Variants in KCNIP1 observed in about 807,000 individuals in gnomAD.
KCNIP1 encodes the protein potassium voltage-gated channel interacting protein 1.
Under a neutral mutation model 33.0 loss-of-function variants are expected in KCNIP1, and 18 were observed. The ratio of observed to expected loss-of-function variants is 0.55; its 90% CI spans 0.38 to 0.81. KCNIP1 has a LOEUF of 0.81. KCNIP1 is among the 30% of genes least tolerant of loss of function. The pLI is 0.00. For missense variants in KCNIP1, 238 were observed against 271.6 expected (o/e 0.88, Z 0.87); for synonymous variants, 93 against 98.3 (o/e 0.95, Z 0.32).
At chr5:170,558,121 TTC>T (rs1756903619) in intron 1 of KCNIP1, among the ~76,000 whole-genome samples, 1 of 152,098 alleles carries the variant, frequency 6.6e-6, no homozygotes, top group South Asian at 2.1e-4. Flanking sequence ...TTCCCTGAGT[TTC>T]TATAAAATGG....
chr5:170,546,850 G>C (rs1348673455), intron 1 of KCNIP1, among the ~76,000 whole-genome samples: 1 of 152,040 alleles, frequency 6.6e-6, no homozygotes, highest in Non-Finnish European at 1.5e-5. Context: ...TATTAATTTA[G>C]AGTTAATCAC....
chr5:170,574,663 A>G (rs1195564269), intron 1 of KCNIP1, among the ~76,000 whole-genome samples: 2 of 152,152 alleles, frequency 1.3e-5, no homozygotes, highest in African/African-American at 4.8e-5. Context: ...TTTCCAATCC[A>G]CTTATTCCAG....
chr5:170,684,082 A>G (rs1201305297), intron 1 of KCNIP1, among the ~76,000 whole-genome samples: 1 of 152,308 alleles, frequency 6.6e-6, no homozygotes, highest in Middle Eastern at 3.4e-3. Flanking sequence ...ATTTTAGAAC[A>G]GTATACAGAT....
At chr5:170,626,605 T>A (rs901086605) in intron 1 of KCNIP1, among the ~76,000 whole-genome samples, 1 of 152,082 alleles carries the variant, frequency 6.6e-6, no homozygotes, top group South Asian at 2.1e-4. Context: ...ACTCCAAGGG[T>A]GACCAGGTGT....
At chr5:170,705,873 A>G (rs575364353) in intron 1 of KCNIP1, among the ~76,000 whole-genome samples, 207 of 152,344 alleles carry the variant, frequency 1.4e-3, no homozygotes, top group Non-Finnish European at 2.5e-3. Flanking sequence ...ATCACAGTCA[A>G]AATATACGAC....
chr5:170,698,834 C>T lies in KCNIP1; in HGVS notation c.62-19924C>T, dbSNP rs1277797916. ...TTATCTCATTTAAATCTGACAAGAG[C>T]CTTGTAAAGTAGGGATTATTCCCAC... is the stretch of plus-strand genomic sequence containing the variant. On this transcript the variant is annotated intron_variant, in intron 1 of 7. Transcript: ENST00000328939. Among the ~76,000 whole-genome samples, 6 of 152,256 alleles carry T rather than the reference C, an allele frequency of 3.9e-5. No individual in the cohort carries two copies. The South Asian group carries it at 1.2e-3, about 32-fold the overall frequency.
chr5:170,657,628 C>T lies in KCNIP1; in HGVS notation c.62-61130C>T, dbSNP rs143807448. Among the ~76,000 whole-genome samples the T allele has an allele frequency of 1.5e-3, 232 of 152,298 alleles. 1 individual carries two copies. The highest frequency in any genetic ancestry group is 5.3e-3 in the African/African-American group (219 of 41,556). ...ACTTCCCCAGCTCCTACGGAAATAACCTATCCCATCCCCTAAGATCTGCAA... is the reference window on the plus strand; with the variant it reads ...ACTTCCCCAGCTCCTACGGAAATAATCTATCCCATCCCCTAAGATCTGCAA... On this transcript the variant is annotated intron_variant, in intron 1 of 7. Transcript: ENST00000328939.
chr5:170,492,348 T>C (rs1256403694), intron 1 of KCNIP1, among the ~76,000 whole-genome samples: 2 of 152,166 alleles, frequency 1.3e-5, no homozygotes, highest in East Asian at 1.9e-4. Context: ...AGGCAAGATA[T>C]GGGGTTGGGG....
chr5:170,643,525 AC>A (rs1468817598), intron 1 of KCNIP1, among the ~76,000 whole-genome samples: 7 of 151,734 alleles, frequency 4.6e-5, no homozygotes, highest in Non-Finnish European at 7.4e-5. Context: ...TTACCCACTC[AC>A]CCCCCAAGCT....
At chr5:170,661,909 A>C (rs1761509736) in intron 1 of KCNIP1, among the ~76,000 whole-genome samples, 1 of 152,068 alleles carries the variant, frequency 6.6e-6, no homozygotes, top group Non-Finnish European at 1.5e-5. Context: ...TCCCCTCTCA[A>C]TGTGTACAAC....
At position 170,489,166 on chromosome 5, in the gene KCNIP1, G is replaced by A. The variant is rs541770007; in HGVS notation, c.88+135202G>A. Among the ~76,000 whole-genome samples the A allele has an allele frequency of 1.3e-5, 2 of 152,336 alleles. No individual in the cohort carries two copies. The highest frequency in any genetic ancestry group is 3.9e-4 in the East Asian group (2 of 5,186). ...CCCCGGAATGGTGATGGAGCAGCCT[G>A]GGAGGCTGCAGGCACTGAAGGAAGA... On this transcript the variant is annotated intron_variant, in intron 1 of 7. Coordinates refer to the KCNIP1 transcript ENST00000377360. The surrounding 1 kb of genome is among the most constrained non-coding windows in gnomAD (Gnocchi z 4.3).
chr5:170,565,057 T>C (rs1265532808), intron 1 of KCNIP1, among the ~76,000 whole-genome samples: 3 of 152,152 alleles, frequency 2.0e-5, no homozygotes, highest in Non-Finnish European at 4.4e-5. Context: ...GAGCTCTGTG[T>C]GTGAACAAGT....
At chr5:170,678,769 C>A (rs1762230748) in intron 1 of KCNIP1, among the ~76,000 whole-genome samples, 1 of 151,758 alleles carries the variant, frequency 6.6e-6, no homozygotes. Context: ...CATGAGCTTG[C>A]AAAAAGGGAG....
At chr5:170,618,739 G>A (rs1445102969) in intron 1 of KCNIP1, among the ~76,000 whole-genome samples, 2 of 152,084 alleles carry the variant, frequency 1.3e-5, no homozygotes, top group African/African-American at 2.4e-5. Flanking sequence ...CTGTCAAATG[G>A]GAATGATGAT....
intron 1 of KCNIP1, among the ~76,000 whole-genome samples, chr5:170,674,871 G>T (rs1308177436): frequency 6.6e-6 from 1 of 152,178 alleles, no homozygotes; most frequent in Non-Finnish European, 1.5e-5. Context: ...TGGAGAGCCA[G>T]CCCTGCTGGA....
chr5:170,378,965 G>A (rs142049246), intron 1 of KCNIP1: 591 of 1,613,846 alleles, frequency 3.7e-4, no homozygotes, highest in Non-Finnish European at 4.7e-4. Context: ...TGCCTGGGAT[G>A]TAGGAGCACT....
chr5:170,379,917 A>G (rs1160911915), intron 1 of KCNIP1, among the ~76,000 whole-genome samples: 1 of 151,212 alleles, frequency 6.6e-6, no homozygotes, highest in Non-Finnish European at 1.5e-5. Flanking sequence ...TCGCAACTAC[A>G]CTCCAGGTAA....
intron 1 of KCNIP1, among the ~76,000 whole-genome samples, chr5:170,704,972 C>T (rs1763209455): frequency 6.6e-6 from 1 of 152,174 alleles, no homozygotes; most frequent in Admixed American, 6.5e-5. Flanking sequence ...TCACTGATTG[C>T]TCCCGGGCTC....
intron 1 of KCNIP1, among the ~76,000 whole-genome samples, chr5:170,444,535 C>T (rs1219910771): frequency 2.0e-5 from 3 of 152,170 alleles, no homozygotes; most frequent in Non-Finnish European, 2.9e-5. Flanking sequence ...AACATACTCA[C>T]AGGCATAGGG....
Sources: allele counts gnomAD v4.1 joint callset (sites outside exome capture counted in the v4.1 genomes callset), GRCh38; gene constraint gnomAD v4.1.1; non-coding constraint Gnocchi (gnomAD v3.1); transcripts MANE v1.5; gene names NCBI Gene and HGNC (gene_info 2026-07-23, HGNC 2026-07-21).